Variants in NBPF20 observed in about 807,000 individuals in gnomAD.
NBPF20 encodes the protein NBPF family member NBPF20.
NBPF20 carries 90 observed loss-of-function variants against 68.1 expected under a neutral mutation model. The observed-to-expected ratio is 1.32, with a 90% CI of 1.11 to 1.58. The LOEUF is 1.58. Ranked by LOEUF, NBPF20 falls within the 40% of genes most tolerant of loss-of-function variation. The pLI is 0.00. For synonymous variants in NBPF20, 290 were observed against 228.1 expected, an observed-to-expected ratio of 1.27 and a Z score of -2.45; for missense variants, 816 against 601.2, an observed-to-expected ratio of 1.36 and a Z score of -3.74.
At chr1:145,404,419 C>A (rs1662673742) in intron 2 of NBPF20, among the ~76,000 whole-genome samples, 1 of 152,028 alleles carries the variant, frequency 6.6e-6, no homozygotes, top group South Asian at 2.1e-4. Flanking sequence ...CCACGACGCC[C>A]ATCTACTTTT....
At position 145,395,030 on chromosome 1, in the gene NBPF20, G is replaced by T. The variant is rs1662155336; in HGVS notation, c.939C>A (p.Ser313Arg). Reference sequence around the variant, plus strand: ...GCTGTTCCTCTAATGAGTGAAATGTGCTGCTGTAAGACTGGTACGAGGCCA... The same window carrying T: ...GCTGTTCCTCTAATGAGTGAAATGTTCTGCTGTAAGACTGGTACGAGGCCA... Residue 313 changes from serine (S) to arginine (R), a missense_variant, in exon 8 of 138, where the codon AGC becomes AGA. By Grantham distance (110) the Ser-to-Arg change is moderately radical (BLOSUM62 -1). Transcript: ENST00000369373. 5 of 1,611,608 alleles carry T rather than the reference G, an allele frequency of 3.1e-6. No individual in the cohort carries two copies. The East Asian group carries it at 1.1e-4, about 36-fold the overall frequency.
rs1271727688 is a variant in NBPF20 at position 145,341,161 on chromosome 1, C to G, written c.9096-222G>C. Reference sequence around the variant, plus strand: ...AGAGAGACAGAGACAGAGAGAGAGACAGAGACAGAGACAGAGAGAAAGTGA... The same window carrying G: ...AGAGAGACAGAGACAGAGAGAGAGAGAGAGACAGAGACAGAGAGAAAGTGA... On this transcript the variant is annotated intron_variant, in intron 75 of 137. Coordinates refer to ENST00000369373, the Ensembl canonical transcript of NBPF20. 2.3e-3 allele frequency among the ~76,000 whole-genome samples: 176 copies of G among 76,560 alleles called. 1 individual carries two copies. The highest frequency in any genetic ancestry group is 7.4e-3 in the African/African-American group (168 of 22,816). The allele number at this position is 76,560 out of a possible 152,430, so 50.2% of individuals were successfully genotyped here. A position where few individuals can be genotyped will look rare whatever the true frequency, so the allele number is the denominator to read the frequency against.
At chr1:145,400,271 G>C (rs1464780726) in intron 6 of NBPF20, 118 bp downstream of exon 11, 2 of 1,588,184 alleles carry the variant, frequency 1.3e-6, no homozygotes, top group African/African-American at 1.3e-5. Flanking sequence ...CCTGATATCT[G>C]TTTAGAAACC....
At chr1:145,393,134 A>C in exon 10 of NBPF20, 1 of 670,646 alleles carries the variant, frequency 1.5e-6, no homozygotes, top group Non-Finnish European at 2.5e-6. Context: ...GCACTTCTGT[A>C]GGGCTGGCAT....
chr1:145,292,520 T>C (rs1661195805), intron 136 of NBPF20, 31 bp from the exon 142 acceptor site: 1 of 690,110 alleles, frequency 1.4e-6, no homozygotes, highest in African/African-American at 2.1e-5. Context: ...GACAGACACA[T>C]TAAGCTGATT....
chr1:145,292,991 T>C (rs587717974), intron 136 of NBPF20, among the ~76,000 whole-genome samples: 4 of 3,782 alleles, frequency 1.1e-3, no homozygotes, highest in East Asian at 5.3e-3. Context: ...GCCACAGGTA[T>C]GGCCTGAGAC....
chr1:145,352,405 ACT>A (rs1661665028), intron 61 of NBPF20, among the ~76,000 whole-genome samples: 1 of 33,480 alleles, frequency 3.0e-5, no homozygotes, highest in Non-Finnish European at 5.9e-5. Flanking sequence ...GTAACAGGAC[ACT>A]CTGAGTTAGT....
chr1:145,291,820 C>G lies in NBPF20; in HGVS notation c.16698-51G>C, dbSNP rs201603097. Reference sequence around the variant, plus strand: ...AGCAGCCAGGGAAAATCAGAAACCACAGAGCCCCACTAGATTTCAGAAGTC... The same window carrying G: ...AGCAGCCAGGGAAAATCAGAAACCAGAGAGCCCCACTAGATTTCAGAAGTC... On this transcript the variant is annotated intron_variant, in intron 137 of 137. Coordinates refer to ENST00000369373, the Ensembl canonical transcript of NBPF20. 7.9e-4 allele frequency: 1,276 copies of G among 1,611,662 alleles called. 2 individuals carry two copies. The highest frequency in any genetic ancestry group is 2.1e-3 in the South Asian group (190 of 90,976).
At chr1:145,292,118 C>A (rs1454872721) in intron 137 of NBPF20, among the ~76,000 whole-genome samples, 2 of 149,590 alleles carry the variant, frequency 1.3e-5, no homozygotes, top group Non-Finnish European at 2.9e-5. Flanking sequence ...CAATAGTTTT[C>A]CATAAAATAT....
At chr1:145,407,763 G>C (rs1450077052), upstream of NBPF20, 5 of 153,648 alleles carry the variant, frequency 3.3e-5, no homozygotes, top group African/African-American at 1.2e-4. Flanking sequence ...CGGCCAGGTG[G>C]ACACCTCCAT....
Position 145,292,664 on chromosome 1 carries a change from T to C in NBPF20, c.16589-175A>G, listed in dbSNP as rs1336470475. ...GTTCATGATAGAACTTCCTCGGTTT[T>C]TCTCCCAGAAACTGTGGGTAAAATG... On this transcript the variant is annotated intron_variant, in intron 136 of 137. Coordinates refer to ENST00000369373, the Ensembl canonical transcript of NBPF20. Among the ~76,000 whole-genome samples the C allele has an allele frequency of 1.3e-4, 19 of 147,602 alleles. 1 individual carries two copies. The highest frequency in any genetic ancestry group is 1.3e-3 in the South Asian group (6 of 4,772).
exon 138 of NBPF20, chr1:145,290,565 C>G (rs1384584711): frequency 1.1e-4 from 17 of 148,988 alleles, no homozygotes; most frequent in African/African-American, 4.3e-4. Flanking sequence ...ATGACAACAA[C>G]AAAAAGATGA....
At chr1:145,291,830 C>A (rs587628115) in intron 137 of NBPF20, 61 bp from the exon 143 acceptor site, 16 of 1,611,070 alleles carry the variant, frequency 9.9e-6, no homozygotes, top group Non-Finnish European at 1.4e-5. Flanking sequence ...CAGAGCCCCA[C>A]TAGATTTCAG....
chr1:145,394,990 C>A, exon 8 of NBPF20: 1 of 1,611,986 alleles, frequency 6.2e-7, no homozygotes, highest in Admixed American at 1.7e-5. Context: ...CCTATGTCAA[C>A]AGCCATGCAG....
chr1:145,410,182 T>G (rs1226486063), upstream of NBPF20, among the ~76,000 whole-genome samples: 2 of 152,012 alleles, frequency 1.3e-5, no homozygotes. Context: ...CACCAACAGG[T>G]GCTATTTTCA....
At chr1:145,309,479 C>T (rs1398761707) in intron 115 of NBPF20, among the ~76,000 whole-genome samples, 7 of 73,888 alleles carry the variant, frequency 9.5e-5, no homozygotes, top group Non-Finnish European at 1.6e-4. Flanking sequence ...CACACACACA[C>T]AGACACACAC....
intron 9 of NBPF20, chr1:145,393,598 G>A (rs1484441831): frequency 1.5e-6 from 1 of 660,404 alleles, no homozygotes; most frequent in Non-Finnish European, 2.6e-6. Context: ...TGAAAAGCAT[G>A]TCCTCAATAA....
At chr1:145,309,481 GACAC>G (rs1183681611) in intron 115 of NBPF20, among the ~76,000 whole-genome samples, 3 of 70,666 alleles carry the variant, frequency 4.2e-5, no homozygotes, top group South Asian at 5.1e-4. Flanking sequence ...CACACACACA[GACAC>G]ACACACACAC....
chr1:145,401,002 C>T (rs1186971601), intron 5 of NBPF20, 57 bp downstream of exon 10: 7 of 1,528,050 alleles, frequency 4.6e-6, no homozygotes, highest in African/African-American at 1.4e-5. Context: ...GGGTGTGCCT[C>T]CTAGATATTC....
Sources: gnomAD v4.1 joint callset for allele counts (sites outside exome capture counted in the v4.1 genomes callset) on GRCh38, gnomAD v4.1.1 for gene constraint, MANE v1.5 for transcripts, NCBI Gene and HGNC (gene_info 2026-07-23, HGNC 2026-07-21) for gene names.